Variants in DNAJA3 observed in about 807,000 individuals in gnomAD.
DNAJA3 encodes the protein dnaJ homolog subfamily A member 3, mitochondrial.
Under a neutral mutation model 54.9 loss-of-function variants are expected in DNAJA3, and 29 were observed. That is an observed-to-expected ratio of 0.53 (90% CI 0.39 to 0.72). The LOEUF (loss-of-function observed/expected upper bound fraction) is 0.72, where lower values mean the gene tolerates loss of function less well. Ranked by LOEUF, DNAJA3 falls within the 30% of genes least tolerant of loss-of-function variation. The pLI is 0.00. For missense variants in DNAJA3, 708 were observed against 639.4 expected (o/e 1.11, Z -1.16); for synonymous variants, 302 against 251.4 (o/e 1.20, Z -1.90).
At chr16:4,436,971 T>C (rs1010752993) in intron 2 of DNAJA3, among the ~76,000 whole-genome samples, 1 of 152,028 alleles carries the variant, frequency 6.6e-6, no homozygotes, top group African/African-American at 2.4e-5. Flanking sequence ...AGATCATTAT[T>C]ATTATTATTT....
At chr16:4,433,757 C>A (rs1160072782) in intron 1 of DNAJA3, 1 of 152,222 alleles carries the variant, frequency 6.6e-6, no homozygotes, top group African/African-American at 2.4e-5. Context: ...AATCATCTCC[C>A]AGTCAGGAGT....
Position 4,444,836 on chromosome 16 carries a change from A to C in DNAJA3, c.996+108A>C, listed in dbSNP as rs559194476. On this transcript the variant is annotated intron_variant, in intron 7 of 11. Transcript: ENST00000262375. ...AAGCTTCACAGGAACATGTCTCGCC[A>C]TTCATGTTTCTGAGGGGCACAGTGG... The C allele has an allele frequency of 1.8e-4, 195 of 1,058,862 alleles. 1 individual carries two copies. The highest frequency in any genetic ancestry group is 9.6e-5 in the Non-Finnish European group (69 of 717,392). 65.6% of individuals were successfully genotyped at this position (1,058,862 alleles called of 1,614,324 possible). A position where few individuals can be genotyped will look rare whatever the true frequency, so the allele number is the denominator to read the frequency against.
rs1183117764 is a variant in DNAJA3 at position 4,425,930 on chromosome 16, C to G, written c.49C>G (p.Pro17Ala). Residue 17 changes from proline to alanine, a missense_variant, in exon 1 of 12, where the codon CCG becomes GCG. Transcript: ENST00000262375. Reference protein sequence around the residue: ...TRWLLVVVGTPRLPAISGRGA... With the variant: ...TRWLLVVVGTARLPAISGRGA... ...CTGGTTGCTGGTGGTTGTGGGGACC[C>G]CGCGGCTGCCGGCTATATCGGGTAG... The G allele has an allele frequency of 3.9e-6, 6 of 1,553,006 alleles. No homozygotes were observed. The Admixed American group carries it at 7.8e-5, about 20-fold the overall frequency.
chr16:4,449,297 G>A (rs1236926304), intron 9 of DNAJA3, among the ~76,000 whole-genome samples: 1 of 152,146 alleles, frequency 6.6e-6, no homozygotes, highest in Non-Finnish European at 1.5e-5. Context: ...TGCCCGGCCA[G>A]AATGGTCGAC....
Position 4,429,241 on chromosome 16 carries a change from G to A in DNAJA3, c.211+3149G>A, listed in dbSNP as rs2056662426. Among the ~76,000 whole-genome samples, 3 of 150,846 alleles carry A rather than the reference G, an allele frequency of 2.0e-5. No individual in the cohort carries two copies. The South Asian group carries it at 6.3e-4, about 32-fold the overall frequency. On this transcript the variant is annotated intron_variant, in intron 1 of 11. Transcript: ENST00000262375. The stretch of plus-strand genomic sequence containing the variant: ...GGAGTCTTGCTCTGTAGCCAGGCTG[G>A]AGTGCAGTGGTGCGATCTCGGCTCA...
intron 5 of DNAJA3, 49 bp from the exon 6 acceptor site, chr16:4,442,968 C>T: frequency 1.3e-6 from 2 of 1,589,518 alleles, no homozygotes; most frequent in Non-Finnish European, 1.7e-6. Context: ...CAGAACCACC[C>T]ATCAGTTTAC....
At chr16:4,443,277 T>A in intron 6 of DNAJA3, 113 bp downstream of exon 6, 1 of 1,345,220 alleles carries the variant, frequency 7.4e-7, no homozygotes, top group Non-Finnish European at 1.0e-6. Context: ...TGAGTGTGAG[T>A]GGGCTCTTGG....
At chr16:4,429,309 C>T (rs975539489) in intron 1 of DNAJA3, among the ~76,000 whole-genome samples, 7 of 152,038 alleles carry the variant, frequency 4.6e-5, no homozygotes, top group African/African-American at 1.2e-4. Context: ...CCGCATCCTC[C>T]GCTTCCTGGG....
intron 1 of DNAJA3, chr16:4,427,359 C>G (rs1473597543): frequency 6.6e-6 from 1 of 152,148 alleles, no homozygotes; most frequent in Admixed American, 6.6e-5. Flanking sequence ...AGGGCCCTGA[C>G]AAGATAATTT....
chr16:4,446,775 G>C, intron 7 of DNAJA3, 111 bp from the exon 8 acceptor site: 2 of 1,332,930 alleles, frequency 1.5e-6, no homozygotes, highest in Non-Finnish European at 2.1e-6. Context: ...CTTTATGTAT[G>C]GAAGGGGTGT....
At chr16:4,438,635 CTTTTTTTTTTTT>C (rs56211652) in intron 3 of DNAJA3, among the ~76,000 whole-genome samples, 7 of 110,648 alleles carry the variant, frequency 6.3e-5, no homozygotes, top group African/African-American at 2.5e-4. Context: ...ACAATCTTTT[CTTTTTTTTTTTT>C]TTTTTTTGCT....
chr16:4,450,237 G>A, intron 9 of DNAJA3, 163 bp from the exon 10 acceptor site: 1 of 565,234 alleles, frequency 1.8e-6, no homozygotes, highest in Non-Finnish European at 3.1e-6. Flanking sequence ...AAGCTTTGAG[G>A]GCATGGTCCT....
intron 4 of DNAJA3, among the ~76,000 whole-genome samples, chr16:4,441,911 C>G (rs193003043): frequency 6.6e-6 from 1 of 152,030 alleles, no homozygotes; most frequent in African/African-American, 2.4e-5. Flanking sequence ...TCATTTATGT[C>G]CTTATAAGAC....
At chr16:4,434,013 C>T (rs899507926) in intron 1 of DNAJA3, 8 of 263,258 alleles carry the variant, frequency 3.0e-5, no homozygotes, top group Non-Finnish European at 5.1e-5. Context: ...ACTCACAGTT[C>T]AGCACGGCTG....
At chr16:4,426,859 G>A (rs1347631280) in intron 1 of DNAJA3, 1 of 152,140 alleles carries the variant, frequency 6.6e-6, no homozygotes, top group Non-Finnish European at 1.5e-5. Flanking sequence ...ATCATTGCCT[G>A]AGATGACACT....
intron 5 of DNAJA3, chr16:4,442,805 TTGA>T: frequency 1.7e-6 from 1 of 599,398 alleles, no homozygotes; most frequent in East Asian, 2.8e-5. Context: ...TGTGGTCAAG[TTGA>T]TGATCTGGAG....
In DNAJA3 at chr16:4,456,426, T is replaced by C. The variant is rs556937354; in HGVS notation, c.*894T>C. On this transcript the variant is annotated 3_prime_UTR_variant, in exon 12 of 12. Transcript: ENST00000262375. ...ACTTACACTGTTGACATCTATTTTC[T>C]GAAGTGTGTTTAAATTATTCAGTGC... 6.5e-6 allele frequency: 1 copy of C among 152,756 alleles called. No individual in the cohort carries two copies. The highest frequency in any genetic ancestry group is 1.9e-4 in the East Asian group (1 of 5,186). 9.5% of individuals were successfully genotyped at this position (152,756 alleles called of 1,614,324 possible). A position where few individuals can be genotyped will look rare whatever the true frequency, so the allele number is the denominator to read the frequency against.
At chr16:4,431,445 A>G (rs1356102289) in intron 1 of DNAJA3, among the ~76,000 whole-genome samples, 1 of 152,230 alleles carries the variant, frequency 6.6e-6, no homozygotes, top group Non-Finnish European at 1.5e-5. Context: ...AATTTTAAGT[A>G]TCCTGACCAT....
At position 4,441,574 on chromosome 16, in the gene DNAJA3, AAGTAAGTT is replaced by A. The variant is rs760626624; in HGVS notation, c.630_630+7del. ...CAGACCGTGTTTGATCAGCCTCAGG[AAGTAAGTT>A]CCTCACTTGGAAGAATTATTCAAAT... is the stretch of plus-strand genomic sequence containing the variant. On this transcript the variant is annotated splice_donor_variant and splice_donor_5th_base_variant and coding_sequence_variant and intron_variant, in exon 4 of 12. Transcript: ENST00000262375. LOFTEE classifies it high-confidence loss of function. The A allele has an allele frequency of 1.9e-6, 3 of 1,613,372 alleles. No individual in the cohort carries two copies. Among genetic ancestry groups the A allele is most frequent in the Non-Finnish European group, 2.5e-6 (3 of 1,179,808 alleles).
Sources: allele counts gnomAD v4.1 joint callset (sites outside exome capture counted in the v4.1 genomes callset), GRCh38; gene constraint gnomAD v4.1.1; transcripts MANE v1.5; gene names NCBI Gene and HGNC (gene_info 2026-07-23, HGNC 2026-07-21).